VPS8: variants seen among roughly 807,000 people sequenced by gnomAD.
VPS8 encodes vacuolar protein sorting-associated protein 8 homolog.
In VPS8, 129 loss-of-function variants were observed where a neutral mutation model predicts 216.4. That is an observed-to-expected ratio of 0.60 (90% CI 0.52 to 0.69). VPS8 has a LOEUF of 0.69. VPS8 is among the 30% of genes least tolerant of loss of function. VPS8 has a pLI of 0.00. For missense variants in VPS8, 1,531 were observed against 1,683.5 expected (o/e 0.91, Z 1.59); for synonymous variants, 571 against 565.4 (o/e 1.01, Z -0.14).
intron 3 of VPS8, among the ~76,000 whole-genome samples, chr3:184,827,020 C>G (rs971388683): frequency 6.6e-6 from 1 of 152,170 alleles, no homozygotes; most frequent in Non-Finnish European, 1.5e-5. Flanking sequence ...CTTGAGACTT[C>G]CCTTGGAGGT....
intron 45 of VPS8, among the ~76,000 whole-genome samples, chr3:185,024,076 C>T (rs1757025344): frequency 6.6e-6 from 1 of 152,300 alleles, no homozygotes. Flanking sequence ...TCTATTTAAT[C>T]CCTCACCATT....
intron 8 of VPS8, 92 bp from the exon 9 acceptor site, chr3:184,848,979 G>T: frequency 7.3e-7 from 1 of 1,370,972 alleles, no homozygotes; most frequent in Non-Finnish European, 1.0e-6. Context: ...TTTGATTCTT[G>T]TCACCTCCCA....
intron 38 of VPS8, among the ~76,000 whole-genome samples, chr3:184,965,757 G>A (rs1051364467): frequency 6.6e-6 from 1 of 152,248 alleles, no homozygotes; most frequent in African/African-American, 2.4e-5. Context: ...GAAGAGGGAG[G>A]TAAAACAAAG....
chr3:184,933,523 A>C (rs1196323674), intron 34 of VPS8, among the ~76,000 whole-genome samples: 2 of 122,364 alleles, frequency 1.6e-5, no homozygotes, highest in Non-Finnish European at 3.8e-5. Flanking sequence ...TTTCCTTTCG[A>C]TCTTTGTGTG....
chr3:184,978,783 T>G (rs6766325), intron 40 of VPS8, among the ~76,000 whole-genome samples: 151,921 of 152,302 alleles, frequency 1, 75,772 homozygotes, highest in Non-Finnish European at 1. Context: ...CTTTTATCTG[T>G]TTTTTCTTGT....
At chr3:184,830,476 A>G (rs1719753249) in intron 3 of VPS8, among the ~76,000 whole-genome samples, 1 of 152,100 alleles carries the variant, frequency 6.6e-6, no homozygotes, top group African/African-American at 2.4e-5. Flanking sequence ...ACACACACAC[A>G]CACACAAATC....
At chr3:184,860,340 G>A (rs1726056172) in intron 15 of VPS8, among the ~76,000 whole-genome samples, 1 of 118,200 alleles carries the variant, frequency 8.5e-6, no homozygotes, top group South Asian at 3.0e-4. Flanking sequence ...GTGAGACCCT[G>A]TCTCTTAAAA....
At chr3:184,897,959 T>C (rs1733818152) in intron 23 of VPS8, among the ~76,000 whole-genome samples, 2 of 152,118 alleles carry the variant, frequency 1.3e-5, no homozygotes, top group Non-Finnish European at 2.9e-5. Context: ...CTGGCACTTC[T>C]GCTTGTGGCT....
At chr3:184,840,793 A>T (rs1338228897) in intron 7 of VPS8, among the ~76,000 whole-genome samples, 1 of 152,088 alleles carries the variant, frequency 6.6e-6, no homozygotes. Context: ...CTGGATATTA[A>T]GTCATTTCAT....
chr3:184,920,236 T>C, intron 29 of VPS8, 38 bp downstream of exon 29: 2 of 1,323,254 alleles, frequency 1.5e-6, no homozygotes, highest in Non-Finnish European at 2.0e-6. Context: ...ATATTGATAT[T>C]TATATTAAGA....
At chr3:185,051,848 T>G in intron 47 of VPS8, 28 bp from the exon 48 acceptor site, 1 of 1,560,592 alleles carries the variant, frequency 6.4e-7, no homozygotes, top group Non-Finnish European at 8.7e-7. Flanking sequence ...CCCACAAACC[T>G]TAGCTGATGT....
intron 1 of VPS8, chr3:184,817,280 T>G (rs1716534376): frequency 6.6e-6 from 1 of 150,654 alleles, no homozygotes; most frequent in African/African-American, 2.4e-5. Flanking sequence ...GAGGGAGGAA[T>G]GGGTGGATGG....
At chr3:185,035,881 C>T (rs994988529) in intron 46 of VPS8, among the ~76,000 whole-genome samples, 5 of 152,160 alleles carry the variant, frequency 3.3e-5, no homozygotes, top group African/African-American at 1.2e-4. Flanking sequence ...GCCAGAGGCT[C>T]CTAGAACTGA....
chr3:184,957,786 T>G (rs1745860630), intron 37 of VPS8, among the ~76,000 whole-genome samples: 1 of 152,184 alleles, frequency 6.6e-6, no homozygotes. Flanking sequence ...TTGCTTAAAC[T>G]GTATTTTAAC....
chr3:184,839,923 T>G, intron 7 of VPS8, 171 bp downstream of exon 7: 2 of 1,388,182 alleles, frequency 1.4e-6, no homozygotes, highest in Non-Finnish European at 1.9e-6. Flanking sequence ...CCTCACAGCT[T>G]TGTTTTGCTG....
chr3:184,922,002 G>C (rs1028696797), intron 29 of VPS8, among the ~76,000 whole-genome samples: 9 of 152,082 alleles, frequency 5.9e-5, no homozygotes, highest in Admixed American at 1.3e-4. Flanking sequence ...CTCTATAACT[G>C]GTCCCTTCTG....
At chr3:184,923,989 T>C (rs760044853) in intron 29 of VPS8, among the ~76,000 whole-genome samples, 11 of 152,372 alleles carry the variant, frequency 7.2e-5, no homozygotes, top group Non-Finnish European at 1.5e-4. Context: ...TAAGATGTTA[T>C]GTCTTTTCCT....
At chr3:184,915,906 C>T (rs1015882381) in intron 28 of VPS8, among the ~76,000 whole-genome samples, 1 of 152,172 alleles carries the variant, frequency 6.6e-6, no homozygotes, top group Non-Finnish European at 1.5e-5. Flanking sequence ...GTCAGGGTTT[C>T]AAATGTTTAA....
chr3:184,837,314 A>G (rs1443158062), intron 5 of VPS8, among the ~76,000 whole-genome samples: 1 of 152,136 alleles, frequency 6.6e-6, no homozygotes. Context: ...GTTCAATGTC[A>G]TTTTGTTATA....
Sources: allele counts gnomAD v4.1 joint callset (sites outside exome capture counted in the v4.1 genomes callset), GRCh38; gene constraint gnomAD v4.1.1; transcripts MANE v1.5; gene names NCBI Gene and HGNC (gene_info 2026-07-23, HGNC 2026-07-21).